TNS1: variants seen among roughly 807,000 people sequenced by gnomAD.
TNS1 encodes the protein tensin 1, also known as tensin-1.
A neutral mutation model predicts 168.6 loss-of-function variants in TNS1; 62 were observed. The ratio of observed to expected loss-of-function variants is 0.37; its 90% CI spans 0.30 to 0.45. The LOEUF is 0.45. Among genes scored for constraint, TNS1 ranks in the 20% least tolerant of loss-of-function variants. The pLI, the probability that TNS1 is intolerant of heterozygous loss-of-function variation, is 1.00. For missense variants in TNS1, 2,240 were observed against 2,339.4 expected, an observed-to-expected ratio of 0.96 and a Z score of 0.88; for synonymous variants, 934 against 933.2, an observed-to-expected ratio of 1.00 and a Z score of -0.02.
intron 12 of TNS1, among the ~76,000 whole-genome samples, chr2:217,888,532 C>T (rs979492291): frequency 1.3e-5 from 2 of 152,206 alleles, no homozygotes; most frequent in Non-Finnish European, 2.9e-5. Flanking sequence ...ACCCAAATCT[C>T]ATCTTGAGTT....
intron 16 of TNS1, 146 bp from the exon 17 acceptor site, chr2:217,882,557 C>T: frequency 1.9e-6 from 1 of 529,358 alleles, no homozygotes. Context: ...TACATATATA[C>T]ATGAAATTAT....
chr2:218,030,442 A>G (rs928532004), intron 1 of TNS1, among the ~76,000 whole-genome samples: 1 of 152,104 alleles, frequency 6.6e-6, no homozygotes, highest in African/African-American at 2.4e-5. Context: ...AGTCTGTTCC[A>G]TCTCTCCCAC....
chr2:217,962,259 C>T (rs1957515878), intron 3 of TNS1, among the ~76,000 whole-genome samples: 1 of 152,198 alleles, frequency 6.6e-6, no homozygotes, highest in Admixed American at 6.5e-5. Flanking sequence ...GCCTGACCAA[C>T]ATGGAGAAAC....
At chr2:217,916,149 T>A (rs1954978252) in intron 4 of TNS1, among the ~76,000 whole-genome samples, 1 of 152,202 alleles carries the variant, frequency 6.6e-6, no homozygotes, top group Non-Finnish European at 1.5e-5. Context: ...TCGGCAGATA[T>A]GAAGTTCCAG....
chr2:217,815,613 G>A (rs1405467299), intron 24 of TNS1, among the ~76,000 whole-genome samples: 2 of 152,148 alleles, frequency 1.3e-5, no homozygotes, highest in Admixed American at 6.5e-5. Flanking sequence ...GCCTGGCACT[G>A]CATTCCCACA....
intron 3 of TNS1, among the ~76,000 whole-genome samples, chr2:217,920,964 GGA>G (rs552529395): frequency 2.4e-4 from 37 of 151,778 alleles, no homozygotes; most frequent in African/African-American, 8.7e-4. Flanking sequence ...AGGGAAGAAG[GGA>G]GAGGGGGAGA....
intron 25 of TNS1, 75 bp downstream of exon 25, chr2:217,814,837 G>C (rs887827131): frequency 2.3e-6 from 3 of 1,327,586 alleles, no homozygotes; most frequent in Non-Finnish European, 3.2e-6. Flanking sequence ...ATTTGCCTCT[G>C]TTCCTTGCCC....
intron 31 of TNS1, 92 bp from the exon 32 acceptor site, chr2:217,808,199 G>A: frequency 6.7e-7 from 1 of 1,487,586 alleles, no homozygotes; most frequent in African/African-American, 1.4e-5. Context: ...AGGAAGGTCT[G>A]GGGAGAGGAG....
chr2:218,029,835 G>A (rs1202354098), intron 1 of TNS1, among the ~76,000 whole-genome samples: 3 of 152,214 alleles, frequency 2.0e-5, no homozygotes, highest in African/African-American at 7.2e-5. Flanking sequence ...TGCCAAGTAT[G>A]TGAGTACGTG....
intron 16 of TNS1, among the ~76,000 whole-genome samples, chr2:217,883,968 G>A (rs968247729): frequency 2.0e-5 from 3 of 152,202 alleles, no homozygotes; most frequent in East Asian, 1.9e-4. Flanking sequence ...ATGCTTGTGC[G>A]TGTCTCCATC....
chr2:217,810,778 A>C (rs892989936), intron 28 of TNS1, among the ~76,000 whole-genome samples: 1 of 152,228 alleles, frequency 6.6e-6, no homozygotes, highest in South Asian at 2.1e-4. Context: ...GCATAACTCT[A>C]ATTTCAATAT....
At chr2:217,875,857 T>C (rs748297406) in intron 18 of TNS1, among the ~76,000 whole-genome samples, 6 of 152,106 alleles carry the variant, frequency 3.9e-5, no homozygotes, top group Non-Finnish European at 7.4e-5. Context: ...CAAGGCCCCC[T>C]GTCACCAGCC....
At chr2:217,952,840 C>T (rs970621369) in intron 3 of TNS1, among the ~76,000 whole-genome samples, 3 of 152,196 alleles carry the variant, frequency 2.0e-5, no homozygotes, top group Non-Finnish European at 4.4e-5. Context: ...TCACTCCAAG[C>T]CCTCCCCAAG....
intron 4 of TNS1, 49 bp downstream of exon 4, chr2:217,920,146 G>A (rs759624632): frequency 3.3e-5 from 23 of 702,846 alleles, no homozygotes; most frequent in South Asian, 1.2e-4. Context: ...TGGGAGCTGC[G>A]GAGGGAGAGG....
intron 3 of TNS1, among the ~76,000 whole-genome samples, chr2:217,977,317 G>C (rs1394122844): frequency 2.0e-5 from 3 of 152,218 alleles, no homozygotes; most frequent in African/African-American, 7.2e-5. Context: ...CGCAGGAAAG[G>C]AGAAGACAAG....
At chr2:217,869,165 G>T (rs982034679) in intron 18 of TNS1, among the ~76,000 whole-genome samples, 2 of 152,330 alleles carry the variant, frequency 1.3e-5, no homozygotes, top group Admixed American at 6.5e-5. Flanking sequence ...GGACCAAGAG[G>T]GAGGGCCTCT....
At chr2:217,973,840 T>C (rs564023948) in intron 3 of TNS1, among the ~76,000 whole-genome samples, 41 of 152,338 alleles carry the variant, frequency 2.7e-4, no homozygotes, top group Admixed American at 2.3e-3. Flanking sequence ...TAAGGGTTCA[T>C]AGCAGGTCTG....
At chr2:217,829,234 A>G (rs1944046653) in intron 22 of TNS1, among the ~76,000 whole-genome samples, 1 of 151,886 alleles carries the variant, frequency 6.6e-6, no homozygotes, top group Non-Finnish European at 1.5e-5. Flanking sequence ...AAAAAAAAAA[A>G]AATTGCTGGG....
intron 16 of TNS1, among the ~76,000 whole-genome samples, chr2:217,882,972 T>G (rs950274250): frequency 1.3e-5 from 2 of 152,158 alleles, no homozygotes; most frequent in Non-Finnish European, 2.9e-5. Flanking sequence ...ATTTTTGTAT[T>G]TTTTATAGCG....
Sources: allele counts gnomAD v4.1 joint callset (sites outside exome capture counted in the v4.1 genomes callset), GRCh38; gene constraint gnomAD v4.1.1; transcripts MANE v1.5; gene names NCBI Gene and HGNC (gene_info 2026-07-23, HGNC 2026-07-21).